MAST2: variants seen among roughly 807,000 people sequenced by gnomAD.
MAST2 encodes microtubule-associated serine/threonine-protein kinase 2.
Under a neutral mutation model 147.4 loss-of-function variants are expected in MAST2, and 70 were observed. The observed-to-expected ratio is 0.47, with a 90% CI of 0.39 to 0.58. The LOEUF (loss-of-function observed/expected upper bound fraction) is 0.58. Ranked by LOEUF, MAST2 falls within the 20% of genes least tolerant of loss-of-function variation. The pLI, the probability that MAST2 is intolerant of heterozygous loss-of-function variation, is 0.00. For synonymous variants in MAST2, 869 were observed against 896.8 expected (o/e 0.97, Z 0.55); for missense variants, 2,080 against 2,302.3 (o/e 0.90, Z 1.98).
At chr1:45,975,097 A>C (rs1346892944) in intron 5 of MAST2, among the ~76,000 whole-genome samples, 1 of 152,174 alleles carries the variant, frequency 6.6e-6, no homozygotes, top group African/African-American at 2.4e-5. Flanking sequence ...TACAAAGGGC[A>C]TGTGAAATCC....
At chr1:45,828,925 CAAA>C (rs1227782052) in intron 2 of MAST2, among the ~76,000 whole-genome samples, 1 of 131,260 alleles carries the variant, frequency 7.6e-6, no homozygotes. Context: ...CACTCTGTCT[CAAA>C]AAAAAAAAAG....
chr1:45,933,955 A>G (rs889721848), intron 4 of MAST2, among the ~76,000 whole-genome samples: 3 of 150,898 alleles, frequency 2.0e-5, no homozygotes, highest in African/African-American at 7.3e-5. Flanking sequence ...GGTATTGTGC[A>G]GATATGTTAC....
At chr1:45,941,791 A>G (rs1193343135) in intron 4 of MAST2, among the ~76,000 whole-genome samples, 4 of 152,180 alleles carry the variant, frequency 2.6e-5, no homozygotes, top group Non-Finnish European at 5.9e-5. Flanking sequence ...TAGGGAGAAA[A>G]GCATTCAGTC....
chr1:45,939,994 T>TTTTTTTGTTTTTTTTGTTTTG (rs1656976947), intron 4 of MAST2, among the ~76,000 whole-genome samples: 1 of 139,924 alleles, frequency 7.1e-6, no homozygotes, highest in Non-Finnish European at 1.5e-5. Flanking sequence ...TTTTTTTTTT[T>TTTTTTTGTTTTTTTTGTTTTG]TTTTTTTGAG....
chr1:46,023,121 G>A lies in MAST2; in HGVS notation c.1486-112G>A. ...AGTCATTCTACTCCCAGAAGAATGA[G>A]CAGGAGACTGCACTAGAGCTGACAG... On this transcript the variant is annotated intron_variant, in intron 13 of 28. Transcript: ENST00000361297. The surrounding 1 kb of genome is among the most constrained non-coding windows in gnomAD (Gnocchi z 4.9). 8.3e-7 allele frequency: 1 copy of A among 1,200,384 alleles called. No individual in the cohort carries two copies. The highest frequency in any genetic ancestry group is 1.2e-6 in the Non-Finnish European group (1 of 807,200). The allele number at this position is 1,200,384 out of a possible 1,614,324, so 74.4% of individuals were successfully genotyped here.
intron 5 of MAST2, among the ~76,000 whole-genome samples, chr1:45,973,968 T>A (rs1361619643): frequency 6.6e-6 from 1 of 152,196 alleles, no homozygotes; most frequent in Non-Finnish European, 1.5e-5. Flanking sequence ...AAATAATTTG[T>A]CAAGGAGTTT....
intron 7 of MAST2, among the ~76,000 whole-genome samples, chr1:46,003,560 C>G (rs981626675): frequency 6.6e-6 from 1 of 151,972 alleles, no homozygotes; most frequent in Admixed American, 6.6e-5. Context: ...TTCAACCTCC[C>G]CAGGCTCAGA....
chr1:45,980,355 C>T (rs749476700), intron 5 of MAST2, among the ~76,000 whole-genome samples: 4 of 150,288 alleles, frequency 2.7e-5, no homozygotes, highest in Non-Finnish European at 4.4e-5. Context: ...GTAGCTATTG[C>T]GTTCTGTGCT....
At chr1:45,925,543 G>C in intron 4 of MAST2, among the ~76,000 whole-genome samples, 1 of 152,304 alleles carries the variant, frequency 6.6e-6, no homozygotes, top group Middle Eastern at 3.4e-3. Context: ...GGAGGCAGTT[G>C]TGTCTCTGGC....
chr1:45,937,218 G>A (rs1656335887), intron 4 of MAST2, among the ~76,000 whole-genome samples: 1 of 133,272 alleles, frequency 7.5e-6, no homozygotes, highest in Non-Finnish European at 1.6e-5. Flanking sequence ...CTAAAGGCAT[G>A]CACCACCATG....
intron 2 of MAST2, among the ~76,000 whole-genome samples, chr1:45,827,113 C>A (rs1570257008): frequency 6.6e-6 from 1 of 152,178 alleles, no homozygotes; most frequent in Non-Finnish European, 1.5e-5. Context: ...CAGGCGGGAG[C>A]CACCACGCTC....
At chr1:45,808,400 G>T (rs979876678) in intron 1 of MAST2, among the ~76,000 whole-genome samples, 1 of 152,054 alleles carries the variant, frequency 6.6e-6, no homozygotes, top group African/African-American at 2.4e-5. Context: ...GTAGAGATGG[G>T]GTTTCACTGT....
At chr1:45,965,437 G>A (rs541820661) in intron 5 of MAST2, among the ~76,000 whole-genome samples, 1 of 152,272 alleles carries the variant, frequency 6.6e-6, no homozygotes, top group East Asian at 1.9e-4. Context: ...ATTTAGGATA[G>A]TTAGCTCTTC....
intron 5 of MAST2, among the ~76,000 whole-genome samples, chr1:45,960,010 ATCCTCCCACCTCATCC>A (rs140508914): frequency 6.6e-6 from 1 of 152,222 alleles, no homozygotes; most frequent in Non-Finnish European, 1.5e-5. Context: ...GGCTCGAGTG[ATCCTCCCACCTCATCC>A]TCCAAAGTAC....
chr1:45,855,944 C>T (rs1204793386), intron 3 of MAST2, among the ~76,000 whole-genome samples: 1 of 152,140 alleles, frequency 6.6e-6, no homozygotes, highest in African/African-American at 2.4e-5. Context: ...GTTTTACTCA[C>T]CTTATCATTA....
chr1:46,025,707 T>C lies in MAST2; in HGVS notation c.1811T>C (p.Ile604Thr). 3.7e-6 allele frequency: 6 copies of C among 1,614,170 alleles called. No homozygotes were observed. Among genetic ancestry groups the C allele is most frequent in the Non-Finnish European group, 5.1e-6 (6 of 1,180,018 alleles). The stretch of plus-strand genomic sequence containing the variant: ...GACTGTGCCACTCTGCTGAAGAATA[T>C]TGGGGCCCTGCCTGTGGACATGGTG... ...GGDCATLLKNIGALPVDMVRL... is the reference protein window; with the variant it reads ...GGDCATLLKNTGALPVDMVRL... Residue 604 changes from isoleucine to threonine, a missense_variant, in exon 16 of 29, where the codon ATT becomes ACT. Ile to Thr is a moderately conservative substitution (Grantham distance 89, BLOSUM62 -1). Transcript: ENST00000361297.
chr1:45,927,979 TC>T (rs751878041), intron 4 of MAST2, among the ~76,000 whole-genome samples: 5 of 152,230 alleles, frequency 3.3e-5, no homozygotes, highest in Non-Finnish European at 5.9e-5. Flanking sequence ...GTCCCTGACT[TC>T]CTGCAATACT....
intron 4 of MAST2, among the ~76,000 whole-genome samples, chr1:45,927,630 G>T (rs185146647): frequency 2.0e-5 from 3 of 152,256 alleles, no homozygotes; most frequent in East Asian, 1.9e-4. Context: ...CTGTTATCCT[G>T]TTCTTTTTTC....
chr1:46,034,370 C>G (rs1646811343), intron 28 of MAST2, 104 bp downstream of exon 28: 1 of 1,388,270 alleles, frequency 7.2e-7, no homozygotes, highest in Non-Finnish European at 9.7e-7. Context: ...CTCATTTAGC[C>G]CACCCCCTGA....
Sources: gnomAD v4.1 joint callset for allele counts (sites outside exome capture counted in the v4.1 genomes callset) on GRCh38, gnomAD v4.1.1 for gene constraint, Gnocchi (gnomAD v3.1) non-coding constraint, MANE v1.5 for transcripts, NCBI Gene and HGNC (gene_info 2026-07-23, HGNC 2026-07-21) for gene names.